PDE9A: variants seen among roughly 807,000 people sequenced by gnomAD.
PDE9A encodes phosphodiesterase 9A.
A neutral mutation model predicts 87.4 loss-of-function variants in PDE9A; 60 were observed. The ratio of observed to expected loss-of-function variants is 0.69; its 90% CI spans 0.56 to 0.85. The LOEUF (loss-of-function observed/expected upper bound fraction) is 0.85, where lower values mean the gene tolerates loss of function less well. Among genes scored for constraint, PDE9A ranks in the 40% least tolerant of loss-of-function variants. The pLI, the probability that PDE9A is intolerant of heterozygous loss-of-function variation, is 0.00. For synonymous variants in PDE9A, 272 were observed against 279.4 expected (o/e 0.97, Z 0.27); for missense variants, 665 against 779.0 (o/e 0.85, Z 1.74).
intron 1 of PDE9A, among the ~76,000 whole-genome samples, chr21:42,673,791 T>G (rs778927718): frequency 1.5e-4 from 23 of 152,158 alleles, no homozygotes; most frequent in Admixed American, 5.9e-4. Flanking sequence ...GGGTCCTGCC[T>G]GCACCGCTTT....
intron 9 of PDE9A, among the ~76,000 whole-genome samples, chr21:42,753,415 A>C (rs1166456699): frequency 6.6e-6 from 1 of 152,104 alleles, no homozygotes; most frequent in African/African-American, 2.4e-5. Context: ...TGTGACCTCC[A>C]CCACAAGCGA....
intron 9 of PDE9A, among the ~76,000 whole-genome samples, chr21:42,751,764 G>A (rs1330896796): frequency 7.5e-5 from 2 of 26,838 alleles, no homozygotes; most frequent in Non-Finnish European, 1.7e-4. Context: ...TTTTTTTTTT[G>A]AGACAGTGTT....
intron 19 of PDE9A, among the ~76,000 whole-genome samples, chr21:42,774,085 A>T (rs7283696): frequency 0.21 from 32,636 of 152,022 alleles, 3,609 homozygotes; most frequent in African/African-American, 0.28. Flanking sequence ...TCTCAAAAAA[A>T]ATATAAATAA....
At chr21:42,674,534 C>G (rs952000699) in intron 1 of PDE9A, among the ~76,000 whole-genome samples, 8 of 152,040 alleles carry the variant, frequency 5.3e-5, no homozygotes, top group Non-Finnish European at 1.2e-4. Context: ...CTTTGTAAAA[C>G]GGCTCCGCCT....
intron 19 of PDE9A, among the ~76,000 whole-genome samples, chr21:42,774,518 G>T (rs2147259356): frequency 6.6e-6 from 1 of 152,296 alleles, no homozygotes; most frequent in East Asian, 1.9e-4. Context: ...GGTCAGAAAA[G>T]AGATCAATAT....
chr21:42,655,104 T>G lies in PDE9A; in HGVS notation c.69+1221T>G, dbSNP rs189113945. Among the ~76,000 whole-genome samples, 361 of 150,730 alleles carry G rather than the reference T, an allele frequency of 2.4e-3. 1 individual carries two copies. The highest frequency in any genetic ancestry group is 8.2e-3 in the African/African-American group (339 of 41,186). On this transcript the variant is annotated intron_variant, in intron 1 of 19. Coordinates refer to ENST00000291539, the MANE Select transcript of PDE9A (RefSeq NM_002606.3). ...TATGTCACTGCACCAGCATGCACAC[T>G]CACACACACACACACATGCTCCAAT...
At chr21:42,710,408 CA>C (rs35770609) in intron 4 of PDE9A, among the ~76,000 whole-genome samples, 20,494 of 110,546 alleles carry the variant, frequency 0.19, 1,530 homozygotes, top group East Asian at 0.4. Flanking sequence ...GACTCCATCT[CA>C]AAAAAAAAAA....
chr21:42,740,746 A>AAACAG (rs1210150189), intron 7 of PDE9A, among the ~76,000 whole-genome samples: 69 of 142,118 alleles, frequency 4.9e-4, no homozygotes, highest in South Asian at 9.2e-4. Flanking sequence ...ATAGATAGAT[A>AAACAG]GATAAACAGG....
chr21:42,770,734 A>G lies in PDE9A; in HGVS notation c.1622A>G (p.Gln541Arg). The change falls in exon 18 of 20, where the codon CAG becomes CGG. Residue 541 changes from glutamine to arginine, a missense_variant. Transcript: ENST00000291539. ...LFPMVEEIMLQPLWESRDRYE... is the reference protein window; with the variant it reads ...LFPMVEEIMLRPLWESRDRYE... ...CCCATGGTTGAGGAGATCATGCTGC[A>G]GCCACTTTGGGAATCCCGAGATCGC... 6.2e-7 allele frequency: 1 copy of G among 1,614,096 alleles called. No individual in the cohort carries two copies. The highest frequency in any genetic ancestry group is 2.2e-5 in the East Asian group (1 of 44,884).
At chr21:42,684,778 C>T (rs926397425) in intron 1 of PDE9A, among the ~76,000 whole-genome samples, 1 of 152,136 alleles carries the variant, frequency 6.6e-6, no homozygotes, top group East Asian at 1.9e-4. Flanking sequence ...TCAGGAACCA[C>T]GCAATGACAC....
In PDE9A at chr21:42,733,497, G is replaced by A. The variant is rs57313615; in HGVS notation, c.568+71G>A. The A allele has an allele frequency of 0.019, 16,602 of 873,742 alleles. 1,513 individuals carry two copies. The African/African-American group carries it at 0.22, about 12-fold the overall frequency. The allele number at this position is 873,742 out of a possible 1,614,324, so 54.1% of individuals were successfully genotyped here. On this transcript the variant is annotated intron_variant, in intron 7 of 19. Coordinates refer to ENST00000291539, the MANE Select transcript of PDE9A (RefSeq NM_002606.3). ...TCTATTCAAATTAACCACTTGGAACGGGGAGGAGTTCAGTGCCGAAGGTAA... is the reference window on the plus strand; with the variant it reads ...TCTATTCAAATTAACCACTTGGAACAGGGAGGAGTTCAGTGCCGAAGGTAA...
At position 42,760,902 on chromosome 21, in the gene PDE9A, C is replaced by T; in HGVS notation, c.1080C>T (p.Asn360=). The change falls in exon 13 of 20, where the codon AAC becomes AAT. Residue 360 remains asparagine, a synonymous_variant. Coordinates refer to ENST00000291539, the MANE Select transcript of PDE9A (RefSeq NM_002606.3). This position sits in a 1 kb window ranked among gnomAD's most constrained non-coding sequence, Gnocchi z 5.2. ...ACGATCTGGACCATCCCGGCTACAACAACACGTATGTACAGGATTTTCTCT... is the reference window on the plus strand; with the variant it reads ...ACGATCTGGACCATCCCGGCTACAATAACACGTATGTACAGGATTTTCTCT... The part of the protein sequence containing the change: ...ICHDLDHPGY[N]NTYQINARTE... 6.2e-7 allele frequency: 1 copy of T among 1,601,714 alleles called. No individual in the cohort carries two copies. The highest frequency in any genetic ancestry group is 8.6e-7 in the Non-Finnish European group (1 of 1,168,628).
chr21:42,744,105 C>T (rs2053597577), intron 8 of PDE9A, among the ~76,000 whole-genome samples: 1 of 152,208 alleles, frequency 6.6e-6, no homozygotes, highest in Non-Finnish European at 1.5e-5. Context: ...GTAATCCCAG[C>T]ACTTTGGGAG....
chr21:42,774,801 G>A (rs2057355655), intron 19 of PDE9A, among the ~76,000 whole-genome samples: 2 of 145,628 alleles, frequency 1.4e-5, no homozygotes, highest in African/African-American at 5.0e-5. Flanking sequence ...AGAATTGCTT[G>A]AACCCAGGAG....
At position 42,692,763 on chromosome 21, in the gene PDE9A, C is replaced by G. The variant is rs2059922132; in HGVS notation, c.218+4769C>G. Among the ~76,000 whole-genome samples the G allele has an allele frequency of 6.6e-6, 1 of 152,048 alleles. No homozygotes were observed. Among genetic ancestry groups the G allele is most frequent in the Non-Finnish European group, 1.5e-5 (1 of 67,980 alleles). On this transcript the variant is annotated intron_variant, in intron 3 of 19. Coordinates refer to ENST00000291539, the MANE Select transcript of PDE9A (RefSeq NM_002606.3). This position sits in a 1 kb window ranked among gnomAD's most constrained non-coding sequence, Gnocchi z 4.3. ...CGTTACTGGCCTTTTCTTTTTTGGC[C>G]CTGCCTCCCCCTTGGCTTCTCCCCT...
chr21:42,714,386 G>C (rs1171830230), intron 4 of PDE9A, among the ~76,000 whole-genome samples: 4 of 152,252 alleles, frequency 2.6e-5, no homozygotes, highest in African/African-American at 7.2e-5. Flanking sequence ...GTCGCACCCA[G>C]ATGGTGAGCA....
chr21:42,718,251 G>A (rs1450995210), intron 4 of PDE9A, among the ~76,000 whole-genome samples: 1 of 151,776 alleles, frequency 6.6e-6, no homozygotes, highest in African/African-American at 2.4e-5. Context: ...TTAGGTTTCA[G>A]CAGTTGGACT....
intron 1 of PDE9A, among the ~76,000 whole-genome samples, chr21:42,684,709 C>T (rs1238699049): frequency 6.6e-6 from 1 of 152,178 alleles, no homozygotes; most frequent in African/African-American, 2.4e-5. Flanking sequence ...TGCACCCGTG[C>T]GAGCAGGGCC....
At chr21:42,729,892 A>G (rs1313570894) in intron 4 of PDE9A, among the ~76,000 whole-genome samples, 1 of 152,006 alleles carries the variant, frequency 6.6e-6, no homozygotes, top group African/African-American at 2.4e-5. Flanking sequence ...GTTCCTTTAG[A>G]TTGGGTGAGA....
Sources: allele counts gnomAD v4.1 joint callset (sites outside exome capture counted in the v4.1 genomes callset), GRCh38; gene constraint gnomAD v4.1.1; non-coding constraint Gnocchi (gnomAD v3.1); transcripts MANE v1.5; gene names NCBI Gene and HGNC (gene_info 2026-07-23, HGNC 2026-07-21).